Variants in CADM1 observed in about 807,000 individuals in gnomAD.
CADM1 encodes TSLC-1.
A neutral mutation model predicts 53.1 loss-of-function variants in CADM1; 15 were observed. The ratio of observed to expected loss-of-function variants is 0.28; its 90% CI spans 0.19 to 0.44. The LOEUF (loss-of-function observed/expected upper bound fraction) is 0.44. Among genes scored for constraint, CADM1 ranks in the 20% least tolerant of loss-of-function variants. The pLI is 1.00. For missense variants in CADM1, 434 were observed against 611.3 expected (o/e 0.71, Z 3.06); for synonymous variants, 281 against 243.0 (o/e 1.16, Z -1.45).
intron 1 of CADM1, among the ~76,000 whole-genome samples, chr11:115,437,526 C>T (rs1591237853): frequency 6.6e-6 from 1 of 152,194 alleles, no homozygotes; most frequent in African/African-American, 2.4e-5. Flanking sequence ...GCATGCTATC[C>T]TAATCTCATC....
At chr11:115,201,681 C>G (rs916197850) in intron 8 of CADM1, among the ~76,000 whole-genome samples, 2 of 151,930 alleles carry the variant, frequency 1.3e-5, no homozygotes, top group South Asian at 2.1e-4. Flanking sequence ...CCTAACAAAG[C>G]CTTTTTAAAA....
At chr11:115,340,344 A>G (rs1945394954) in intron 1 of CADM1, 1 of 152,022 alleles carries the variant, frequency 6.6e-6, no homozygotes, top group Non-Finnish European at 1.5e-5. Flanking sequence ...CACAAATGCA[A>G]GCTCTATTGT....
chr11:115,177,739 G>A (rs573701658), intron 11 of CADM1, among the ~76,000 whole-genome samples: 1 of 151,574 alleles, frequency 6.6e-6, no homozygotes, highest in Admixed American at 6.6e-5. Flanking sequence ...GTGGGCAGAG[G>A]GCGAAGTATG....
chr11:115,356,843 T>C (rs557486196), intron 1 of CADM1, among the ~76,000 whole-genome samples: 59 of 152,286 alleles, frequency 3.9e-4, no homozygotes, highest in African/African-American at 1.3e-3. Flanking sequence ...AAAACACCAA[T>C]TGCCTGAAGA....
chr11:115,251,809 A>G (rs1565325455), intron 1 of CADM1, among the ~76,000 whole-genome samples: 1 of 152,208 alleles, frequency 6.6e-6, no homozygotes, highest in Non-Finnish European at 1.5e-5. Context: ...GGGAAGACGT[A>G]TAATAGAGGT....
chr11:115,503,159 G>A (rs1377763346), intron 1 of CADM1, among the ~76,000 whole-genome samples: 1 of 152,162 alleles, frequency 6.6e-6, no homozygotes, highest in Admixed American at 6.5e-5. Flanking sequence ...AGGGAGGCTG[G>A]GTGCAGCACA....
chr11:115,351,701 CAG>C (rs747509397), intron 1 of CADM1, among the ~76,000 whole-genome samples: 2 of 152,174 alleles, frequency 1.3e-5, no homozygotes, highest in Non-Finnish European at 2.9e-5. Flanking sequence ...TCTGGACACA[CAG>C]AAAACATTCT....
At chr11:115,437,777 C>A (rs1374070978) in intron 1 of CADM1, among the ~76,000 whole-genome samples, 1 of 152,048 alleles carries the variant, frequency 6.6e-6, no homozygotes, top group East Asian at 1.9e-4. Flanking sequence ...TTATTTATTA[C>A]CATAAAAATG....
chr11:115,471,978 C>A (rs1949023173), intron 1 of CADM1, among the ~76,000 whole-genome samples: 1 of 152,102 alleles, frequency 6.6e-6, no homozygotes, highest in Non-Finnish European at 1.5e-5. Context: ...GGGGCCATGG[C>A]AGGCACTGCA....
At chr11:115,201,382 A>AG (rs1391992578) in intron 8 of CADM1, among the ~76,000 whole-genome samples, 1 of 152,222 alleles carries the variant, frequency 6.6e-6, no homozygotes, top group Middle Eastern at 3.2e-3. Flanking sequence ...TGCTCCCTGC[A>AG]GGAGACCACG....
At chr11:115,377,835 T>C (rs539242749) in intron 1 of CADM1, 1 of 152,326 alleles carries the variant, frequency 6.6e-6, no homozygotes, top group Non-Finnish European at 1.5e-5. Flanking sequence ...CACTGATTTA[T>C]TAGCAAATTG....
chr11:115,480,329 A>G (rs1949231169), intron 1 of CADM1, among the ~76,000 whole-genome samples: 1 of 152,178 alleles, frequency 6.6e-6, no homozygotes, highest in African/African-American at 2.4e-5. Context: ...ATTTACTAAT[A>G]ATCCTTATCA....
intron 8 of CADM1, among the ~76,000 whole-genome samples, chr11:115,206,973 A>C (rs45487898): frequency 2.6e-5 from 4 of 151,618 alleles, no homozygotes; most frequent in Admixed American, 6.6e-5. Flanking sequence ...GATAGCCTGG[A>C]CCTTTAAAAT....
At chr11:115,229,998 T>C (rs775019607) in intron 4 of CADM1, among the ~76,000 whole-genome samples, 7 of 152,166 alleles carry the variant, frequency 4.6e-5, no homozygotes, top group Non-Finnish European at 5.9e-5. Flanking sequence ...GCCAAGGCAG[T>C]CCCTTCCTGA....
rs547662579 is a variant in CADM1, at chr11:115,205,060, C to T, written c.1078+4514G>A. On this transcript the variant is annotated intron_variant, in intron 8 of 11. Coordinates refer to ENST00000331581, the MANE Select transcript of CADM1 (RefSeq NM_001301043.2). ...TGTGTTTCACAATTTGGCCCTATAG[C>T]TATTCATTTCTTATTCTAAGGTGGT... Among the ~76,000 whole-genome samples the T allele has an allele frequency of 2.8e-4, 42 of 152,200 alleles. No homozygotes were observed. In the South Asian group the frequency reaches 7.7e-3, roughly 28 times the overall value.
intron 1 of CADM1, among the ~76,000 whole-genome samples, chr11:115,295,521 TA>T (rs1250700813): frequency 2.0e-4 from 15 of 76,840 alleles, no homozygotes; most frequent in East Asian, 1.5e-3. Flanking sequence ...TATATATATA[TA>T]TATATATATA....
intron 1 of CADM1, among the ~76,000 whole-genome samples, chr11:115,438,680 T>C (rs942625463): frequency 6.6e-6 from 1 of 152,326 alleles, no homozygotes. Flanking sequence ...CTAATGATAC[T>C]AATAAACTGT....
At chr11:115,316,607 T>C (rs1001803245) in intron 1 of CADM1, among the ~76,000 whole-genome samples, 1 of 152,138 alleles carries the variant, frequency 6.6e-6, no homozygotes, top group Non-Finnish European at 1.5e-5. Flanking sequence ...CCTTAAAATG[T>C]ATAGTGTTAC....
intron 1 of CADM1, among the ~76,000 whole-genome samples, chr11:115,337,168 G>T (rs936660403): frequency 7.9e-5 from 12 of 152,236 alleles, no homozygotes; most frequent in African/African-American, 1.9e-4. Flanking sequence ...CTCTTTCAGG[G>T]TTTTTCAGGG....
Sources: allele counts gnomAD v4.1 joint callset (sites outside exome capture counted in the v4.1 genomes callset), GRCh38; gene constraint gnomAD v4.1.1; transcripts MANE v1.5; gene names NCBI Gene and HGNC (gene_info 2026-07-23, HGNC 2026-07-21).